The following BTBD1 variants were observed in gnomAD, a reference collection of about 807,000 sequenced individuals.
BTBD1 encodes BTB/POZ domain-containing protein 1.
BTBD1 carries 34 observed loss-of-function variants against 48.0 expected under a neutral mutation model. The observed-to-expected ratio is 0.71, with a 90% CI of 0.54 to 0.94. BTBD1 has a LOEUF of 0.94. BTBD1 is among the 40% of genes least tolerant of loss of function. The pLI, the probability that BTBD1 is intolerant of heterozygous loss-of-function variation, is 0.00. For missense variants in BTBD1, 543 were observed against 625.6 expected (o/e 0.87, Z 1.41); for synonymous variants, 261 against 242.1 (o/e 1.08, Z -0.72).
intron 5 of BTBD1, among the ~76,000 whole-genome samples, chr15:83,021,775 T>C (rs1236629474): frequency 6.6e-6 from 1 of 151,056 alleles, no homozygotes; most frequent in Non-Finnish European, 1.5e-5. Flanking sequence ...ATAATACATA[T>C]GGAACTAAAA....
At chr15:83,025,357 C>CAAAAAAAAAAAAAAAAAAAAAAAAA in intron 5 of BTBD1, among the ~76,000 whole-genome samples, 1 of 64,176 alleles carries the variant, frequency 1.6e-5, no homozygotes. Flanking sequence ...GACTCCATCA[C>CAAAAAAAAAAAAAAAAAAAAAAAAA]AAAAAAAAAA....
chr15:83,040,816 T>C (rs1013834676), intron 4 of BTBD1, among the ~76,000 whole-genome samples: 23 of 151,172 alleles, frequency 1.5e-4, no homozygotes, highest in African/African-American at 5.6e-4. Context: ...AGGTCAGAAG[T>C]GGTCATGGAG....
rs59417219 is a variant in BTBD1 at position 83,018,908 on chromosome 15, T to C, written c.1144-55A>G. 2.2e-3 allele frequency: 3,098 copies of C among 1,428,232 alleles called. 49 individuals are homozygous for C. In the African/African-American group the frequency reaches 0.04, roughly 19 times the overall value. The allele number at this position is 1,428,232 out of a possible 1,614,324, so 88.5% of individuals were successfully genotyped here. ...AAGTTAAACCAAATAAAGCAAACTA[T>C]AGAAAATAATATAAAGCCCTTAGCA... On this transcript the variant is annotated intron_variant, in intron 6 of 7. Coordinates refer to ENST00000261721, the MANE Select transcript of BTBD1 (RefSeq NM_025238.4).
intron 4 of BTBD1, among the ~76,000 whole-genome samples, chr15:83,035,286 A>G (rs2032604252): frequency 6.6e-6 from 1 of 152,088 alleles, no homozygotes; most frequent in African/African-American, 2.4e-5. Context: ...AGAGTGAGAC[A>G]TTGTCTCAAA....
chr15:83,042,887 C>T (rs1308055007), intron 3 of BTBD1, among the ~76,000 whole-genome samples: 1 of 152,158 alleles, frequency 6.6e-6, no homozygotes, highest in African/African-American at 2.4e-5. Context: ...TGCCAGTAGT[C>T]CCAGCAATTT....
intron 1 of BTBD1, among the ~76,000 whole-genome samples, chr15:83,066,284 A>G (rs1349183951): frequency 6.6e-6 from 1 of 152,114 alleles, no homozygotes; most frequent in Non-Finnish European, 1.5e-5. Context: ...TGGGCAACAG[A>G]GCAAGACCTT....
At chr15:83,030,094 GCTACCCCCACT>G in intron 5 of BTBD1, 31 bp downstream of exon 5, 1 of 1,566,806 alleles carries the variant, frequency 6.4e-7, no homozygotes, top group Non-Finnish European at 8.8e-7. Flanking sequence ...AATGGTAACT[GCTACCCCCACT>G]CTACCCCCGC....
intron 4 of BTBD1, among the ~76,000 whole-genome samples, chr15:83,033,632 T>C (rs2032566346): frequency 6.6e-6 from 1 of 152,152 alleles, no homozygotes; most frequent in Non-Finnish European, 1.5e-5. Flanking sequence ...AGGTATGGAG[T>C]GCAGTGGTGT....
At chr15:83,032,155 TA>T (rs1183560731) in intron 4 of BTBD1, among the ~76,000 whole-genome samples, 1 of 151,976 alleles carries the variant, frequency 6.6e-6, no homozygotes, top group Non-Finnish European at 1.5e-5. Flanking sequence ...ACCCCATCTC[TA>T]ACAAAAATAC....
At position 83,067,189 on chromosome 15, in the gene BTBD1, T is replaced by C. The variant is rs371713148; in HGVS notation, c.-38A>G. The C allele has an allele frequency of 2.6e-4, 350 of 1,361,840 alleles. 2 individuals carry two copies. Among genetic ancestry groups the C allele is most frequent in the Middle Eastern group, 2.8e-4 (1 of 3,586 alleles). 84.4% of individuals were successfully genotyped at this position (1,361,840 alleles called of 1,614,324 possible). On this transcript the variant is annotated 5_prime_UTR_variant, in exon 1 of 8. Transcript: ENST00000261721. ...CGGTTGCCCACGTTATGGACAAAAC[T>C]CCGCCGCCATCGCCCAGGCCGCCTC...
At chr15:83,064,868 T>A (rs958008966) in intron 1 of BTBD1, among the ~76,000 whole-genome samples, 2 of 152,140 alleles carry the variant, frequency 1.3e-5, no homozygotes, top group African/African-American at 2.4e-5. Context: ...GTCCCCCCCC[T>A]TTATAAATGT....
chr15:83,061,763 T>G, intron 1 of BTBD1: 1 of 152,224 alleles, frequency 6.6e-6, no homozygotes, highest in Non-Finnish European at 1.5e-5. Context: ...GCTATCTGAC[T>G]ACAGCTACAT....
chr15:83,041,875 G>A lies in BTBD1; in HGVS notation c.715C>T (p.Arg239Ter), dbSNP rs776326577. The change falls in exon 4 of 8, where the codon CGA becomes TGA. Residue 239 changes from arginine to a stop codon, truncating the protein, a stop_gained. Transcript: ENST00000261721. LOFTEE classifies it high-confidence loss of function. ...CAGCGTACAACAGCTCCAAAAAGTCGACTTTCTCGAATACTGAGTGTGTCT... is the reference window on the plus strand; with the variant it reads ...CAGCGTACAACAGCTCCAAAAAGTCAACTTTCTCGAATACTGAGTGTGTCT... Reference protein sequence around the residue: ...ERDTLSIRESRLFGAVVRWAE... With the variant: ...ERDTLSIRES The A allele has an allele frequency of 6.8e-6, 11 of 1,614,080 alleles. No individual in the cohort carries two copies. The highest frequency in any genetic ancestry group is 8.5e-6 in the Non-Finnish European group (10 of 1,180,020).
chr15:83,050,096 TC>T lies in BTBD1; in HGVS notation c.640del (p.Glu214LysfsTer8). The T allele has an allele frequency of 6.2e-7, 1 of 1,612,282 alleles. No homozygotes were observed. The highest frequency in any genetic ancestry group is 1.1e-5 in the South Asian group (1 of 90,988). Reference sequence around the variant, plus strand: ...ACCTATATCAATATCAGTAAACCCTTCTGCACTTATTGCATCCATTGTGCTT... The same window carrying T: ...ACCTATATCAATATCAGTAAACCCTTTGCACTTATTGCATCCATTGTGCTT... Reference protein sequence around the residue: ...DKSTMDAISAEGFTDIDIDTL... With the variant: ...DKSTMDAISAXGFTDIDIDTL... On this transcript the variant is annotated frameshift_variant, in exon 3 of 8. Transcript: ENST00000261721. LOFTEE classifies it high-confidence loss of function.
intron 1 of BTBD1, among the ~76,000 whole-genome samples, chr15:83,065,207 C>A (rs1344352833): frequency 2.0e-5 from 3 of 152,182 alleles, no homozygotes; most frequent in Non-Finnish European, 4.4e-5. Context: ...ATGCTTCTTA[C>A]GTGTGGAAAG....
At chr15:83,049,980 A>T in intron 3 of BTBD1, 93 bp downstream of exon 3, 1 of 669,902 alleles carries the variant, frequency 1.5e-6, no homozygotes, top group Non-Finnish European at 2.5e-6. Context: ...TGGGAAAGCC[A>T]CTGATTTAAA....
chr15:83,056,581 G>C (rs1409375156), intron 1 of BTBD1, 36 bp from the exon 2 acceptor site: 21 of 1,576,824 alleles, frequency 1.3e-5, no homozygotes, highest in Non-Finnish European at 1.8e-5. Context: ...GAGATGGTCA[G>C]TAATGTTTTA....
chr15:83,031,439 T>C (rs1388092675), intron 4 of BTBD1, among the ~76,000 whole-genome samples: 1 of 152,216 alleles, frequency 6.6e-6, no homozygotes, highest in Non-Finnish European at 1.5e-5. Flanking sequence ...CATGGAATAC[T>C]ATGCAGCCAT....
At chr15:83,034,920 C>G (rs531727123) in intron 4 of BTBD1, among the ~76,000 whole-genome samples, 1 of 152,230 alleles carries the variant, frequency 6.6e-6, no homozygotes, top group East Asian at 1.9e-4. Context: ...ATCTGTTGAA[C>G]AGATACAGGA....
Sources: allele counts gnomAD v4.1 joint callset (sites outside exome capture counted in the v4.1 genomes callset), GRCh38; gene constraint gnomAD v4.1.1; transcripts MANE v1.5; gene names NCBI Gene and HGNC (gene_info 2026-07-23, HGNC 2026-07-21).